The following TTLL7 variants were observed in gnomAD, a reference collection of about 807,000 sequenced individuals.
TTLL7 encodes the protein tubulin polyglutamylase TTLL7.
TTLL7 carries 53 observed loss-of-function variants against 120.2 expected under a neutral mutation model. The ratio of observed to expected loss-of-function variants is 0.44; its 90% CI spans 0.35 to 0.55. The LOEUF (loss-of-function observed/expected upper bound fraction) is 0.55, where lower values mean the gene tolerates loss of function less well. Ranked by LOEUF, TTLL7 falls within the 20% of genes least tolerant of loss-of-function variation. TTLL7 has a pLI of 0.00. For missense variants in TTLL7, 803 were observed against 1,054.7 expected (o/e 0.76, Z 3.31); for synonymous variants, 353 against 351.7 (o/e 1.00, Z -0.04).
intron 3 of TTLL7, 56 bp from the exon 4 acceptor site, chr1:83,950,042 T>C (rs1239041856): frequency 7.0e-7 from 1 of 1,433,828 alleles, no homozygotes; most frequent in South Asian, 1.3e-5. Flanking sequence ...AATATATTCA[T>C]TGCAGAAACA....
At chr1:83,971,043 G>C (rs904391500) in intron 1 of TTLL7, among the ~76,000 whole-genome samples, 2 of 151,972 alleles carry the variant, frequency 1.3e-5, no homozygotes, top group Non-Finnish European at 2.9e-5. Flanking sequence ...AAAAGCAAAG[G>C]CCTGCAGACT....
chr1:83,913,274 A>C (rs1657832637), intron 14 of TTLL7, among the ~76,000 whole-genome samples: 1 of 152,186 alleles, frequency 6.6e-6, no homozygotes, highest in Admixed American at 6.5e-5. Context: ...TATATATAAA[A>C]AATGTATAAA....
At position 83,929,935 on chromosome 1, in the gene TTLL7, C is replaced by T. The variant is rs1659458449; in HGVS notation, c.1048-705G>A. Reference sequence around the variant, plus strand: ...GCTATCTCAAACATATGTATATATGCTACTAGTCACAGTTATACACATCTG... The same window carrying T: ...GCTATCTCAAACATATGTATATATGTTACTAGTCACAGTTATACACATCTG... On this transcript the variant is annotated intron_variant, in intron 9 of 20. Transcript: ENST00000260505. Among the ~76,000 whole-genome samples, 3 of 152,102 alleles carry T rather than the reference C, an allele frequency of 2.0e-5. No homozygotes were observed. The South Asian group carries it at 6.2e-4, about 31-fold the overall frequency.
chr1:83,972,999 A>T (rs1651133534), intron 1 of TTLL7, among the ~76,000 whole-genome samples: 1 of 151,726 alleles, frequency 6.6e-6, no homozygotes, highest in Non-Finnish European at 1.5e-5. Context: ...TTTTGCAAAT[A>T]TTTTCTCCCA....
Position 83,883,066 on chromosome 1 carries a change from G to A in TTLL7, c.2440C>T (p.Arg814Cys), listed in dbSNP as rs1197366312. Residue 814 changes from arginine (R) to cysteine (C), a missense_variant, in exon 20 of 21, where the codon CGC becomes TGC. By Grantham distance (180) the Arg-to-Cys change is radical. Around this residue, in one of 3 missense-constraint regions of TTLL7, gnomAD observed 388 missense variants for 450.4 expected, o/e 0.86. Transcript: ENST00000260505. ...CACTGTTTACAAAGCTCCACTAGGC[G>A]CTGGCAACACTGGAGCTGCAAAGGA... is the stretch of plus-strand genomic sequence containing the variant. ...VTPLQLQCCQ[R>C]LVELCKQCLL... 1.1e-5 allele frequency: 17 copies of A among 1,612,364 alleles called. No homozygotes were observed. The highest frequency in any genetic ancestry group is 1.7e-5 in the Admixed American group (1 of 59,790).
chr1:83,901,885 AC>A (rs1307202969), intron 18 of TTLL7: 1 of 151,948 alleles, frequency 6.6e-6, no homozygotes, highest in Non-Finnish European at 1.5e-5. Flanking sequence ...GAATTCGACA[AC>A]TTCACTCCAC....
At chr1:83,935,793 C>T (rs1307094008) in intron 8 of TTLL7, among the ~76,000 whole-genome samples, 1 of 152,088 alleles carries the variant, frequency 6.6e-6, no homozygotes, top group Non-Finnish European at 1.5e-5. Context: ...TTCTCCACCT[C>T]GTCCTGTCAT....
intron 19 of TTLL7, among the ~76,000 whole-genome samples, chr1:83,886,684 AG>A (rs1282491184): frequency 6.6e-6 from 1 of 151,990 alleles, no homozygotes; most frequent in Non-Finnish European, 1.5e-5. Flanking sequence ...TCTCTTCTTT[AG>A]GGTTTACATA....
At chr1:83,964,233 A>C (rs1650254578) in intron 1 of TTLL7, among the ~76,000 whole-genome samples, 1 of 152,146 alleles carries the variant, frequency 6.6e-6, no homozygotes, top group Non-Finnish European at 1.5e-5. Flanking sequence ...TCTATCTGGC[A>C]CCACAATCTT....
chr1:83,979,008 C>A (rs1340351543), intron 1 of TTLL7: 2 of 152,172 alleles, frequency 1.3e-5, no homozygotes, highest in Non-Finnish European at 2.9e-5. Flanking sequence ...GATCTAGGCC[C>A]TTCTCTTGTG....
At chr1:83,871,569 A>C (rs555062051) in intron 20 of TTLL7, among the ~76,000 whole-genome samples, 1 of 152,284 alleles carries the variant, frequency 6.6e-6, no homozygotes, top group African/African-American at 2.4e-5. Context: ...GGACGGTATC[A>C]AATCGTTTAT....
chr1:83,937,205 A>AT (rs71695804), intron 8 of TTLL7, among the ~76,000 whole-genome samples: 1,445 of 144,430 alleles, frequency 0.01, 10 homozygotes, highest in Non-Finnish European at 0.014. Flanking sequence ...CAGTACGGTA[A>AT]TTTTTTTTTT....
chr1:83,943,356 A>G (rs1407938264), intron 6 of TTLL7, among the ~76,000 whole-genome samples: 1 of 152,172 alleles, frequency 6.6e-6, no homozygotes, highest in East Asian at 1.9e-4. Flanking sequence ...AGCATGCTCA[A>G]GAAAGACCCG....
chr1:83,916,104 C>A (rs983028862), intron 14 of TTLL7, among the ~76,000 whole-genome samples: 14 of 152,240 alleles, frequency 9.2e-5, no homozygotes, highest in African/African-American at 3.1e-4. Context: ...GGATCTAGAA[C>A]TAGAAATACC....
chr1:83,913,218 A>G (rs1169469276), intron 14 of TTLL7, among the ~76,000 whole-genome samples: 1 of 152,196 alleles, frequency 6.6e-6, no homozygotes, highest in Non-Finnish European at 1.5e-5. Context: ...GTTATGGCAC[A>G]ACCATACTAC....
rs115753871 is a variant in TTLL7, at chr1:83,968,106, A to G, written c.-176-15719T>C. 6.7e-3 allele frequency among the ~76,000 whole-genome samples: 1,015 copies of G among 152,158 alleles called. 8 individuals are homozygous for G. The highest frequency in any genetic ancestry group is 0.02 in the African/African-American group (831 of 41,526). On this transcript the variant is annotated intron_variant, in intron 1 of 20. Coordinates refer to ENST00000260505, the MANE Select transcript of TTLL7 (RefSeq NM_024686.6). ...ACCAGCAACTTTGCTGTGGGAGGAG[A>G]CTGACTTAATTTGGAGCAAAGTGTG...
intron 1 of TTLL7, among the ~76,000 whole-genome samples, chr1:83,993,766 G>T (rs1653214109): frequency 6.6e-6 from 1 of 152,094 alleles, no homozygotes; most frequent in African/African-American, 2.4e-5. Context: ...GAAAAAGGGG[G>T]AAAATTTACT....
rs1445244315 is a variant in TTLL7 at position 83,890,303 on chromosome 1, A to G, written c.2369+18T>C. 1 of 1,579,818 alleles carries G rather than the reference A, an allele frequency of 6.3e-7. No individual in the cohort carries two copies. The highest frequency in any genetic ancestry group is 2.2e-5 in the East Asian group (1 of 44,634). On this transcript the variant is annotated intron_variant, in intron 19 of 20. Transcript: ENST00000260505. ...AAATATTAAAAATGACGATAATAAA[A>G]GATGACTTAGAGCTTACCCTGAATC...
chr1:83,946,464 T>A (rs1371672179), intron 6 of TTLL7: 2 of 152,212 alleles, frequency 1.3e-5, no homozygotes, highest in African/African-American at 2.4e-5. Context: ...CATTCTTTTT[T>A]AATAGTAAAT....
Sources: allele counts gnomAD v4.1 joint callset (sites outside exome capture counted in the v4.1 genomes callset), GRCh38; gene constraint gnomAD v4.1.1; regional missense constraint gnomAD v4.1.1; transcripts MANE v1.5; gene names NCBI Gene and HGNC (gene_info 2026-07-23, HGNC 2026-07-21).